Variants in TAP1 observed in about 807,000 individuals in gnomAD.
TAP1 encodes transporter 1, ATP binding cassette subfamily B member, also known as antigen peptide transporter 1.
TAP1 carries 56 observed loss-of-function variants against 79.3 expected under a neutral mutation model. The ratio of observed to expected loss-of-function variants is 0.71; its 90% CI spans 0.57 to 0.88. The LOEUF is 0.88. TAP1 is among the 40% of genes least tolerant of loss of function. The pLI, the probability that TAP1 is intolerant of heterozygous loss-of-function variation, is 0.00. For synonymous variants in TAP1, 355 were observed against 401.4 expected (o/e 0.88, Z 1.38); for missense variants, 737 against 936.3 (o/e 0.79, Z 2.78).
At position 32,853,475 on chromosome 6, in the gene TAP1, C is replaced by T. The variant is rs758454228; in HGVS notation, c.162G>A (p.Leu54=). The stretch of plus-strand genomic sequence containing the variant: ...TCAGGCCCACCGCCCAGACCCGGAG[C>T]AGTGGCAGCGCGGTGGGCACCAGCA... ...FSLLVPTALP[L]LRVWAVGLSR... The change falls in exon 1 of 11, where the codon CTG becomes CTA. Residue 54 remains leucine (L), a synonymous_variant. Coordinates refer to ENST00000354258, the MANE Select transcript of TAP1 (RefSeq NM_000593.6). The surrounding 1 kb of genome is among the most constrained non-coding windows in gnomAD (Gnocchi z 8.3). 1.9e-6 allele frequency: 3 copies of T among 1,610,224 alleles called. No individual in the cohort carries two copies. The African/African-American group carries it at 4.0e-5, about 22-fold the overall frequency.
chr6:32,847,253 C>G lies in TAP1; in HGVS notation c.1904-49G>C, dbSNP rs565701007. 1.3e-6 allele frequency: 2 copies of G among 1,596,580 alleles called. No individual in the cohort carries two copies. The highest frequency in any genetic ancestry group is 1.7e-5 in the Admixed American group (1 of 58,972). On this transcript the variant is annotated intron_variant, in intron 9 of 10. Transcript: ENST00000354258. This position sits in a 1 kb window ranked among gnomAD's most constrained non-coding sequence, Gnocchi z 4.7. ...AGAACGGTATAGCCACATGTGTGCA[C>G]GCATGTACATGCACACAGACACACT...
At position 32,847,646 on chromosome 6, in the gene TAP1, T is replaced by C. The variant is rs571926211; in HGVS notation, c.1770A>G (p.Val590=). ...TATTTTCTTGAAGACTTCTTCCAAATACCTGTGGCTCTTGTCCCACTGCAG... is the reference window on the plus strand; with the variant it reads ...TATTTTCTTGAAGACTTCTTCCAAACACCTGTGGCTCTTGTCCCACTGCAG... The part of the protein sequence containing the change: ...QVAAVGQEPQ[V]FGRSLQENIA... Residue 590 remains valine (V), a synonymous_variant, in exon 9 of 11, where the codon GTA becomes GTG. Coordinates refer to ENST00000354258, the MANE Select transcript of TAP1 (RefSeq NM_000593.6). This position sits in a 1 kb window ranked among gnomAD's most constrained non-coding sequence, Gnocchi z 4.7. 33 of 1,613,842 alleles carry C rather than the reference T, an allele frequency of 2.0e-5. 1 individual carries two copies. In the South Asian group the frequency reaches 3.1e-4, roughly 15 times the overall value.
Position 32,847,259 on chromosome 6 carries a change from T to C in TAP1, c.1904-55A>G. Reference sequence around the variant, plus strand: ...GTATAGCCACATGTGTGCACGCATGTACATGCACACAGACACACTCATGCA... The same window carrying C: ...GTATAGCCACATGTGTGCACGCATGCACATGCACACAGACACACTCATGCA... On this transcript the variant is annotated intron_variant, in intron 9 of 10. Transcript: ENST00000354258. This position sits in a 1 kb window ranked among gnomAD's most constrained non-coding sequence, Gnocchi z 4.7. 6.2e-7 allele frequency: 1 copy of C among 1,605,970 alleles called. No homozygotes were observed. The highest frequency in any genetic ancestry group is 8.5e-7 in the Non-Finnish European group (1 of 1,179,008).
rs1321996786 is a variant in TAP1, at chr6:32,850,101, T to C, written c.1248+219A>G. 2 of 632,200 alleles carry C rather than the reference T, an allele frequency of 3.2e-6. No homozygotes were observed. Among genetic ancestry groups the C allele is most frequent in the Non-Finnish European group, 5.7e-6 (2 of 352,158 alleles). The allele number at this position is 632,200 out of a possible 1,614,324, so 39.2% of individuals were successfully genotyped here. ...TCTCCAATCCACATGGTTGGGTGGATTTTATGTACCATACTGAAAGGAAGC... is the reference window on the plus strand; with the variant it reads ...TCTCCAATCCACATGGTTGGGTGGACTTTATGTACCATACTGAAAGGAAGC... On this transcript the variant is annotated intron_variant, in intron 5 of 10. Coordinates refer to ENST00000354258, the MANE Select transcript of TAP1 (RefSeq NM_000593.6). This position sits in a 1 kb window ranked among gnomAD's most constrained non-coding sequence, Gnocchi z 5.5.
chr6:32,848,985 C>T lies in TAP1; in HGVS notation c.1377+5G>A. The T allele has an allele frequency of 6.2e-7, 1 of 1,612,558 alleles. No individual in the cohort carries two copies. Among genetic ancestry groups the T allele is most frequent in the Non-Finnish European group, 8.5e-7 (1 of 1,179,532 alleles). ...CACTGGGGAGTGAAGGTGGAGGGAC[C>T]TCACCTCCACAGCCTGGGTGAACTG... On this transcript the variant is annotated splice_donor_5th_base_variant and intron_variant, in intron 6 of 10. Coordinates refer to ENST00000354258, the MANE Select transcript of TAP1 (RefSeq NM_000593.6).
At position 32,847,399 on chromosome 6, in the gene TAP1, T is replaced by G. The variant is rs1263994607; in HGVS notation, c.1903+114A>C. 2 of 1,550,094 alleles carry G rather than the reference T, an allele frequency of 1.3e-6. No homozygotes were observed. The highest frequency in any genetic ancestry group is 4.6e-4 in the Middle Eastern group (2 of 4,388). ...TGAAGAAGCCATAGGAGCATGATCT[T>G]ACAACTTCAAATTGATGTCCATGAG... On this transcript the variant is annotated intron_variant, in intron 9 of 10. Coordinates refer to ENST00000354258, the MANE Select transcript of TAP1 (RefSeq NM_000593.6). This position sits in a 1 kb window ranked among gnomAD's most constrained non-coding sequence, Gnocchi z 4.7.
rs923022226 is a variant in TAP1, at chr6:32,847,740, G to A, written c.1741-65C>T. ...ATGGGAGTATGGTTATCTAGAGATC[G>A]AAGACTCAAAATCTTTATTGAGAAC... On this transcript the variant is annotated intron_variant, in intron 8 of 10. Coordinates refer to ENST00000354258, the MANE Select transcript of TAP1 (RefSeq NM_000593.6). The surrounding 1 kb of genome is among the most constrained non-coding windows in gnomAD (Gnocchi z 4.7). 7.1e-5 allele frequency: 113 copies of A among 1,594,220 alleles called. 1 individual carries two copies. Among genetic ancestry groups the A allele is most frequent in the Non-Finnish European group, 8.9e-5 (104 of 1,163,934 alleles).
chr6:32,846,164 C>T (rs181728852), intron 10 of TAP1: 16 of 322,056 alleles, frequency 5.0e-5, no homozygotes, highest in Middle Eastern at 2.1e-3. Context: ...GTCAAGGCTG[C>T]GCCACTCAAA....
Position 32,853,639 on chromosome 6 carries a change from G to A in TAP1, c.-3C>T, listed in dbSNP as rs1308133427. On this transcript the variant is annotated 5_prime_UTR_variant, in exon 1 of 11. Coordinates refer to ENST00000354258, the MANE Select transcript of TAP1 (RefSeq NM_000593.6). The surrounding 1 kb of genome is among the most constrained non-coding windows in gnomAD (Gnocchi z 8.3). ...GCGGGACACCTAGAGCTAGCCATTG[G>A]CACTCGGACGCCGTCCCGGTCCCGG... 1 of 1,609,428 alleles carries A rather than the reference G, an allele frequency of 6.2e-7. No homozygotes were observed. The highest frequency in any genetic ancestry group is 8.5e-7 in the Non-Finnish European group (1 of 1,178,842).
At position 32,853,645 on chromosome 6, in the gene TAP1, G is replaced by C; in HGVS notation, c.-9C>G. The C allele has an allele frequency of 3.1e-6, 5 of 1,608,370 alleles. No individual in the cohort carries two copies. The highest frequency in any genetic ancestry group is 1.3e-5 in the African/African-American group (1 of 74,978). ...CACCTAGAGCTAGCCATTGGCACTCGGACGCCGTCCCGGTCCCGGCCGGGC... is the reference window on the plus strand; with the variant it reads ...CACCTAGAGCTAGCCATTGGCACTCCGACGCCGTCCCGGTCCCGGCCGGGC... On this transcript the variant is annotated 5_prime_UTR_variant, in exon 1 of 11. Transcript: ENST00000354258. The surrounding 1 kb of genome is among the most constrained non-coding windows in gnomAD (Gnocchi z 8.3).
rs1040265192 is a variant in TAP1, at chr6:32,852,749, T to C, written c.599-247A>G. 6.9e-7 allele frequency: 1 copy of C among 1,443,796 alleles called. No individual in the cohort carries two copies. Among genetic ancestry groups the C allele is most frequent in the Non-Finnish European group, 9.0e-7 (1 of 1,106,632 alleles). The allele number at this position is 1,443,796 out of a possible 1,614,324, so 89.4% of individuals were successfully genotyped here. On this transcript the variant is annotated intron_variant, in intron 1 of 10. Transcript: ENST00000354258. The surrounding 1 kb of genome is among the most constrained non-coding windows in gnomAD (Gnocchi z 4.8). ...GAGATCATGAAGTAGAAAAGCCTCC[T>C]GTTAGAGATGAGGATGCCCCGCCCT...
Position 32,852,410 on chromosome 6 carries a change from T to A in TAP1, c.691A>T (p.Met231Leu). The A allele has an allele frequency of 6.2e-7, 1 of 1,609,830 alleles. No individual in the cohort carries two copies. Among genetic ancestry groups the A allele is most frequent in the Admixed American group, 1.7e-5 (1 of 60,022 alleles). Residue 231 changes from methionine (M) to leucine (L), a missense_variant, in exon 2 of 11, where the codon ATG becomes TTG. Met to Leu is a conservative substitution (Grantham distance 15, BLOSUM62 2). Coordinates refer to ENST00000354258, the MANE Select transcript of TAP1 (RefSeq NM_000593.6). The surrounding 1 kb of genome is among the most constrained non-coding windows in gnomAD (Gnocchi z 4.8). Reference sequence around the variant, plus strand: ...GACCTGGCTATGGTGAGAATGGACATGAGAGTTAAGTTTCGAGTGAAGGTA... The same window carrying A: ...GACCTGGCTATGGTGAGAATGGACAAGAGAGTTAAGTTTCGAGTGAAGGTA... ...ADTFTRNLTL[M>L]SILTIASAVL...
chr6:32,850,365 G>A lies in TAP1; in HGVS notation c.1203C>T (p.Asn401=). Residue 401 remains asparagine, a synonymous_variant, in exon 5 of 11, where the codon AAC becomes AAT. Coordinates refer to ENST00000354258, the MANE Select transcript of TAP1 (RefSeq NM_000593.6). The surrounding 1 kb of genome is among the most constrained non-coding windows in gnomAD (Gnocchi z 5.5). ...CTGCATAGGCCACAGCCTCCTTCTG[G>A]TTGAGTGTCTTTATTTCTTGCAGCT... ...REKLQEIKTL[N]QKEAVAYAVN... is the part of the protein sequence containing the mutation. 1.2e-6 allele frequency: 2 copies of A among 1,614,252 alleles called. No individual in the cohort carries two copies. Among genetic ancestry groups the A allele is most frequent in the Non-Finnish European group, 1.7e-6 (2 of 1,180,050 alleles).
Position 32,850,887 on chromosome 6 carries a change from T to A in TAP1, c.1050+57A>T. On this transcript the variant is annotated intron_variant, in intron 4 of 10. Transcript: ENST00000354258. The surrounding 1 kb of genome is among the most constrained non-coding windows in gnomAD (Gnocchi z 5.5). The stretch of plus-strand genomic sequence containing the variant: ...TGAAAGCAATGTGAGAGGAACTGAG[T>A]CTGCCAAGTCTGGGAGATGAGGGTC... 6.7e-7 allele frequency: 1 copy of A among 1,490,116 alleles called. No individual in the cohort carries two copies. The highest frequency in any genetic ancestry group is 9.3e-7 in the Non-Finnish European group (1 of 1,070,370). 92.3% of individuals were successfully genotyped at this position (1,490,116 alleles called of 1,614,324 possible).
rs114600332 is a variant in TAP1 at position 32,845,913 on chromosome 6, A to C, written c.2041-128T>G. ...TCTGCTAACAACCCCAAGGACACCA[A>C]CGTTTCCCATTCTGAGTACTTCTCC... On this transcript the variant is annotated intron_variant, in intron 10 of 10. Coordinates refer to ENST00000354258, the MANE Select transcript of TAP1 (RefSeq NM_000593.6). This position sits in a 1 kb window ranked among gnomAD's most constrained non-coding sequence, Gnocchi z 4.5. The C allele has an allele frequency of 1.6e-3, 1,233 of 750,588 alleles. 7 individuals are homozygous for C. In the African/African-American group the frequency reaches 0.018, roughly 11 times the overall value. The allele number at this position is 750,588 out of a possible 1,614,324, so 46.5% of individuals were successfully genotyped here. A position where few individuals can be genotyped will look rare whatever the true frequency, so the allele number is the denominator to read the frequency against.
rs1770538961 is a variant in TAP1, at chr6:32,847,937, G to T, written c.1722C>A (p.His574Gln). 2.5e-6 allele frequency: 4 copies of T among 1,613,076 alleles called. No individual in the cohort carries two copies. Among genetic ancestry groups the T allele is most frequent in the Non-Finnish European group, 3.4e-6 (4 of 1,180,042 alleles). ...TCCATACCTGCCTGTGCAGGTAGCGGTGCTCATATTGGGGAAGGGGCTTCC... is the reference window on the plus strand; with the variant it reads ...TCCATACCTGCCTGTGCAGGTAGCGTTGCTCATATTGGGGAAGGGGCTTCC... ...LDGKPLPQYE[H>Q]RYLHRQVAAV... The change falls in exon 8 of 11, where the codon CAC becomes CAA. Residue 574 changes from histidine to glutamine, a missense_variant. Coordinates refer to ENST00000354258, the MANE Select transcript of TAP1 (RefSeq NM_000593.6). This position sits in a 1 kb window ranked among gnomAD's most constrained non-coding sequence, Gnocchi z 4.7.
chr6:32,847,772 CA>C lies in TAP1; in HGVS notation c.1741-98del. The C allele has an allele frequency of 6.4e-7, 1 of 1,564,774 alleles. No homozygotes were observed. Among genetic ancestry groups the C allele is most frequent in the Non-Finnish European group, 8.8e-7 (1 of 1,137,998 alleles). On this transcript the variant is annotated intron_variant, in intron 8 of 10. Coordinates refer to ENST00000354258, the MANE Select transcript of TAP1 (RefSeq NM_000593.6). The surrounding 1 kb of genome is among the most constrained non-coding windows in gnomAD (Gnocchi z 4.7). Reference sequence around the variant, plus strand: ...CAAAATCTTTATTGAGAACATGTCACAAAATCATACTACCTCCCTCCTGACT... The same window carrying C: ...CAAAATCTTTATTGAGAACATGTCACAAATCATACTACCTCCCTCCTGACT...
Position 32,849,837 on chromosome 6 carries a change from T to C in TAP1, c.1248+483A>G, listed in dbSNP as rs184591513. 192 of 179,190 alleles carry C rather than the reference T, an allele frequency of 1.1e-3. 3 individuals are homozygous for C. The highest frequency in any genetic ancestry group is 1.1e-3 in the Non-Finnish European group (93 of 83,210). 11.1% of individuals were successfully genotyped at this position (179,190 alleles called of 1,614,324 possible). On this transcript the variant is annotated intron_variant, in intron 5 of 10. Coordinates refer to ENST00000354258, the MANE Select transcript of TAP1 (RefSeq NM_000593.6). Reference sequence around the variant, plus strand: ...AACAGTCTCAGAGAAGGTAAATTTGTTGTCATGATCACAAGACAAGTAAAT... The same window carrying C: ...AACAGTCTCAGAGAAGGTAAATTTGCTGTCATGATCACAAGACAAGTAAAT...
At position 32,845,965 on chromosome 6, in the gene TAP1, G is replaced by A; in HGVS notation, c.2041-180C>T. ...CAAACCCTTTGTTTCATTAAGGACT[G>A]TTTTACATGAAGGGTGCAAAAGTAG... On this transcript the variant is annotated intron_variant, in intron 10 of 10. Coordinates refer to ENST00000354258, the MANE Select transcript of TAP1 (RefSeq NM_000593.6). This position sits in a 1 kb window ranked among gnomAD's most constrained non-coding sequence, Gnocchi z 4.5. 3 of 646,112 alleles carry A rather than the reference G, an allele frequency of 4.6e-6. No homozygotes were observed. In the Admixed American group the frequency reaches 7.0e-5, roughly 15 times the overall value. 40.0% of individuals were successfully genotyped at this position (646,112 alleles called of 1,614,324 possible).
Sources: allele counts gnomAD v4.1 joint callset, GRCh38; gene constraint gnomAD v4.1.1; non-coding constraint Gnocchi (gnomAD v3.1); transcripts MANE v1.5; gene names NCBI Gene and HGNC (gene_info 2026-07-23, HGNC 2026-07-21).